Variants in KCNH1 observed in about 807,000 individuals in gnomAD.
KCNH1 encodes voltage-gated delayed rectifier potassium channel KCNH1.
Under a neutral mutation model 69.2 loss-of-function variants are expected in KCNH1, and 27 were observed. The observed-to-expected ratio is 0.39, with a 90% CI of 0.29 to 0.54. KCNH1 has a LOEUF of 0.54. Ranked by LOEUF, KCNH1 falls within the 20% of genes least tolerant of loss-of-function variation. The pLI, the probability that KCNH1 is intolerant of heterozygous loss-of-function variation, is 0.68. For missense variants in KCNH1, 798 were observed against 1,261.6 expected, an observed-to-expected ratio of 0.63 and a Z score of 5.57; for synonymous variants, 456 against 487.7, an observed-to-expected ratio of 0.93 and a Z score of 0.86.
intron 7 of KCNH1, among the ~76,000 whole-genome samples, chr1:210,912,415 T>C (rs1471072695): frequency 6.6e-6 from 1 of 152,200 alleles, no homozygotes; most frequent in African/African-American, 2.4e-5. Flanking sequence ...CTAAAAAGCT[T>C]TGTATCTAAG....
chr1:211,016,922 A>AAAAAAAAAAT (rs139001420), intron 6 of KCNH1, among the ~76,000 whole-genome samples: 1 of 146,492 alleles, frequency 6.8e-6, no homozygotes, highest in Non-Finnish European at 1.5e-5. Flanking sequence ...AAAAAAAAAA[A>AAAAAAAAAAT]TTTTAAAATT....
At chr1:210,721,853 G>GA (rs1682472180) in intron 10 of KCNH1, among the ~76,000 whole-genome samples, 1 of 152,160 alleles carries the variant, frequency 6.6e-6, no homozygotes, top group Non-Finnish European at 1.5e-5. Flanking sequence ...GAGGCTGTCA[G>GA]AAGCCAATGG....
chr1:210,698,280 C>T (rs1482490637), intron 10 of KCNH1, among the ~76,000 whole-genome samples: 1 of 152,092 alleles, frequency 6.6e-6, no homozygotes, highest in Non-Finnish European at 1.5e-5. Context: ...TGCAGACTGG[C>T]CCCACCAAGA....
chr1:210,785,295 G>A (rs1287365841), intron 9 of KCNH1, among the ~76,000 whole-genome samples: 1 of 151,992 alleles, frequency 6.6e-6, no homozygotes, highest in African/African-American at 2.4e-5. Flanking sequence ...AAAAAAAGTT[G>A]GATGGTTGGG....
intron 7 of KCNH1, among the ~76,000 whole-genome samples, chr1:210,818,966 G>A (rs943908757): frequency 8.5e-5 from 13 of 152,102 alleles, no homozygotes; most frequent in South Asian, 4.1e-4. Flanking sequence ...CCTCATCCAC[G>A]TCTGTGAGCC....
At chr1:211,020,007 C>A (rs937180733) in intron 5 of KCNH1, among the ~76,000 whole-genome samples, 1 of 151,708 alleles carries the variant, frequency 6.6e-6, no homozygotes, top group Non-Finnish European at 1.5e-5. Context: ...ACAAGAAATA[C>A]TAAGAGGGAA....
intron 5 of KCNH1, among the ~76,000 whole-genome samples, chr1:211,052,569 A>G (rs983998676): frequency 2.6e-5 from 4 of 152,218 alleles, no homozygotes; most frequent in Non-Finnish European, 5.9e-5. Context: ...CTGAGGAGCC[A>G]AATGAAGCCA....
intron 6 of KCNH1, among the ~76,000 whole-genome samples, chr1:211,013,413 C>A (rs1008562220): frequency 6.6e-6 from 1 of 152,132 alleles, no homozygotes; most frequent in Non-Finnish European, 1.5e-5. Flanking sequence ...CACAGGCTAA[C>A]CACTCAAACC....
intron 6 of KCNH1, among the ~76,000 whole-genome samples, chr1:210,960,530 C>T (rs1688273151): frequency 6.6e-6 from 1 of 152,234 alleles, no homozygotes; most frequent in African/African-American, 2.4e-5. Context: ...ACAGTGTACA[C>T]TCTGACTTCT....
chr1:210,856,320 C>T (rs910900463), intron 7 of KCNH1, among the ~76,000 whole-genome samples: 7 of 152,124 alleles, frequency 4.6e-5, no homozygotes, highest in African/African-American at 1.4e-4. Context: ...CCAGAAACAG[C>T]CCCTGGAAAA....
intron 7 of KCNH1, among the ~76,000 whole-genome samples, chr1:210,850,959 G>A (rs959685206): frequency 6.6e-6 from 1 of 152,200 alleles, no homozygotes; most frequent in Non-Finnish European, 1.5e-5. Flanking sequence ...TTCAGGCACA[G>A]CAAGAGAGCA....
At chr1:211,119,435 T>C (rs1691647464) in intron 1 of KCNH1, among the ~76,000 whole-genome samples, 1 of 152,160 alleles carries the variant, frequency 6.6e-6, no homozygotes, top group Non-Finnish European at 1.5e-5. Context: ...AATTGAAAGA[T>C]AATGATTGAG....
At chr1:211,021,266 C>T (rs1689582535) in intron 5 of KCNH1, among the ~76,000 whole-genome samples, 2 of 152,078 alleles carry the variant, frequency 1.3e-5, no homozygotes, top group South Asian at 4.2e-4. Flanking sequence ...AGAACTTATT[C>T]ATATAACCAA....
chr1:211,111,937 G>T (rs567154554), intron 1 of KCNH1, among the ~76,000 whole-genome samples: 3 of 76,522 alleles, frequency 3.9e-5, no homozygotes, highest in Non-Finnish European at 7.9e-5. Context: ...CGTCTAGGAA[G>T]TGAGGTGCCC....
At chr1:210,838,043 T>C (rs1010151762) in intron 7 of KCNH1, among the ~76,000 whole-genome samples, 2 of 152,296 alleles carry the variant, frequency 1.3e-5, no homozygotes, top group African/African-American at 4.8e-5. Flanking sequence ...AAGAAAATGC[T>C]AAGCAAAAAG....
At chr1:210,870,006 T>A (rs1316158535) in intron 7 of KCNH1, among the ~76,000 whole-genome samples, 1 of 152,156 alleles carries the variant, frequency 6.6e-6, no homozygotes, top group East Asian at 1.9e-4. Context: ...ATTTTTGTCT[T>A]CTCAACTCTG....
At chr1:211,090,519 C>CA (rs1414519438) in intron 4 of KCNH1, 43 bp downstream of exon 4, 9 of 1,547,136 alleles carry the variant, frequency 5.8e-6, no homozygotes, top group Non-Finnish European at 7.8e-6. Context: ...ACAATAAAGA[C>CA]AAAAAAGGCA....
intron 6 of KCNH1, among the ~76,000 whole-genome samples, chr1:210,933,140 T>C (rs1275447056): frequency 6.6e-6 from 1 of 152,142 alleles, no homozygotes; most frequent in African/African-American, 2.4e-5. Context: ...TAGACTGGAT[T>C]AAGAAAATGT....
intron 6 of KCNH1, among the ~76,000 whole-genome samples, chr1:211,001,306 C>T (rs569132659): frequency 2.1e-4 from 32 of 152,106 alleles, no homozygotes; most frequent in Middle Eastern, 3.4e-3. Flanking sequence ...TGAACTCAAA[C>T]AAATTTACAA....
Sources: allele counts gnomAD v4.1 joint callset (sites outside exome capture counted in the v4.1 genomes callset), GRCh38; gene constraint gnomAD v4.1.1; transcripts MANE v1.5; gene names NCBI Gene and HGNC (gene_info 2026-07-23, HGNC 2026-07-21).